The following TCF12 variants were observed in gnomAD, a reference collection of about 807,000 sequenced individuals.
TCF12 encodes DNA-binding protein HTF4.
In TCF12, 45 loss-of-function variants were observed where a neutral mutation model predicts 86.0. That is an observed-to-expected ratio of 0.52 (90% CI 0.41 to 0.67). TCF12 has a LOEUF of 0.67. Among genes scored for constraint, TCF12 ranks in the 30% least tolerant of loss-of-function variants. The probability of loss-of-function intolerance (pLI) is 0.00; values close to 1 mark genes in which losing one functional copy is unlikely to be tolerated. For missense variants in TCF12, 881 were observed against 859.9 expected (o/e 1.02, Z -0.31); for synonymous variants, 330 against 299.6 (o/e 1.10, Z -1.05).
At chr15:57,180,487 T>G (rs1377613028) in intron 6 of TCF12, among the ~76,000 whole-genome samples, 4 of 152,194 alleles carry the variant, frequency 2.6e-5, no homozygotes, top group Admixed American at 1.3e-4. Context: ...CATAACAGTT[T>G]ATGTATTCTG....
chr15:57,171,939 CTAAG>C (rs1297148962), intron 6 of TCF12, among the ~76,000 whole-genome samples: 2 of 152,102 alleles, frequency 1.3e-5, no homozygotes, highest in African/African-American at 4.8e-5. Context: ...AAGTTTTTCT[CTAAG>C]TGTTTAAATG....
intron 5 of TCF12, among the ~76,000 whole-genome samples, chr15:57,133,624 GTTTT>G (rs61579168): frequency 1.4e-5 from 2 of 144,616 alleles, no homozygotes; most frequent in African/African-American, 5.0e-5. Flanking sequence ...GCAGTAATGT[GTTTT>G]TTTTTTTTTT....
At chr15:57,084,232 T>A (rs1172292233) in intron 4 of TCF12, among the ~76,000 whole-genome samples, 9 of 152,206 alleles carry the variant, frequency 5.9e-5, no homozygotes, top group Non-Finnish European at 1.3e-4. Context: ...AAGCTTTAAA[T>A]TATGTAAAAT....
chr15:57,067,974 A>G (rs2069046640), intron 4 of TCF12, among the ~76,000 whole-genome samples: 1 of 152,218 alleles, frequency 6.6e-6, no homozygotes, highest in Non-Finnish European at 1.5e-5. Context: ...TGTACCAGGC[A>G]TAAAGGCCAG....
chr15:57,154,419 C>G (rs1596875339), intron 5 of TCF12, among the ~76,000 whole-genome samples: 1 of 152,172 alleles, frequency 6.6e-6, no homozygotes, highest in South Asian at 2.1e-4. Context: ...CCAAGGTGCT[C>G]CCCTAAAACC....
chr15:57,229,562 T>C (rs563631500), intron 8 of TCF12, among the ~76,000 whole-genome samples: 1 of 151,806 alleles, frequency 6.6e-6, no homozygotes, highest in African/African-American at 2.4e-5. Flanking sequence ...AGAGTAAAAA[T>C]TGACTTTTTA....
intron 7 of TCF12, among the ~76,000 whole-genome samples, chr15:57,196,660 T>C (rs1224737790): frequency 1.3e-5 from 2 of 152,308 alleles, no homozygotes; most frequent in Non-Finnish European, 2.9e-5. Flanking sequence ...ATAAGTAAAA[T>C]TAACTCATCA....
chr15:57,080,917 C>A (rs1393780392), intron 4 of TCF12, among the ~76,000 whole-genome samples: 2 of 152,156 alleles, frequency 1.3e-5, no homozygotes, highest in Admixed American at 1.3e-4. Flanking sequence ...ATTATGTTAG[C>A]ATCCCAGAAG....
intron 3 of TCF12, among the ~76,000 whole-genome samples, chr15:56,997,351 G>T (rs1238817948): frequency 6.6e-6 from 1 of 152,170 alleles, no homozygotes; most frequent in Non-Finnish European, 1.5e-5. Context: ...GAATCATCCT[G>T]TGGGAACTGA....
rs113742852 is a variant in TCF12 at position 57,266,422 on chromosome 15, C to G, written c.1745+3148C>G. Among the ~76,000 whole-genome samples, 183 of 152,206 alleles carry G rather than the reference C, an allele frequency of 1.2e-3. 4 individuals carry two copies. The highest frequency in any genetic ancestry group is 4.3e-3 in the African/African-American group (179 of 41,536). The stretch of plus-strand genomic sequence containing the variant: ...TATTAGAACATCACCATGCCACATT[C>G]ATTTATCCATTGTCTGTGGTTGTTT... On this transcript the variant is annotated intron_variant, in intron 18 of 20. Coordinates refer to ENST00000333725, the MANE Select transcript of TCF12 (RefSeq NM_207037.2).
At chr15:57,285,924 T>A (rs1324258865) in intron 20 of TCF12, among the ~76,000 whole-genome samples, 1 of 152,152 alleles carries the variant, frequency 6.6e-6, no homozygotes, top group Non-Finnish European at 1.5e-5. Context: ...CAAGACACTG[T>A]CTGAAAAGAA....
At chr15:57,177,524 G>T (rs1343785220) in intron 6 of TCF12, among the ~76,000 whole-genome samples, 1 of 151,186 alleles carries the variant, frequency 6.6e-6, no homozygotes, top group African/African-American at 2.4e-5. Context: ...ACCTGACTCA[G>T]CCTCTCAAAG....
intron 3 of TCF12, among the ~76,000 whole-genome samples, chr15:57,007,488 C>T (rs1332628304): frequency 1.4e-4 from 21 of 152,242 alleles, no homozygotes; most frequent in African/African-American, 4.3e-4. Flanking sequence ...ATGTTCTTCA[C>T]GTTGTTATAA....
chr15:57,091,092 TTTCA>T (rs2048965728), intron 4 of TCF12, among the ~76,000 whole-genome samples: 1 of 152,224 alleles, frequency 6.6e-6, no homozygotes, highest in African/African-American at 2.4e-5. Context: ...GTGTTTGTAA[TTTCA>T]TTCTTAAGAA....
At chr15:57,225,220 C>CTTTT (rs139530756) in intron 8 of TCF12, among the ~76,000 whole-genome samples, 686 of 39,774 alleles carry the variant, frequency 0.017, 161 homozygotes, top group African/African-American at 0.031. Flanking sequence ...CTGATATATG[C>CTTTT]TTTTTTTTTT....
At position 57,259,274 on chromosome 15, in the gene TCF12, T is replaced by C. The variant is rs75668720; in HGVS notation, c.1468-2820T>C. ...TACCAAGTTTCTAGTAAAACCTCTCTTCAGATAAATCAAAATCTTGGAGTA... is the reference window on the plus strand; with the variant it reads ...TACCAAGTTTCTAGTAAAACCTCTCCTCAGATAAATCAAAATCTTGGAGTA... On this transcript the variant is annotated intron_variant, in intron 16 of 20. Transcript: ENST00000333725. Among the ~76,000 whole-genome samples the C allele has an allele frequency of 2.6e-3, 400 of 152,316 alleles. 6 individuals carry two copies. Among genetic ancestry groups the C allele is most frequent in the Admixed American group, 0.023 (347 of 15,304 alleles).
chr15:57,276,580 G>A (rs1018690373), intron 19 of TCF12, among the ~76,000 whole-genome samples: 15 of 152,028 alleles, frequency 9.9e-5, no homozygotes, highest in African/African-American at 3.1e-4. Flanking sequence ...TAAATGCCCC[G>A]AAGTTAAAAT....
chr15:57,163,281 CCTTAGAAATAGA>C (rs1396316629), intron 5 of TCF12, among the ~76,000 whole-genome samples: 1 of 152,064 alleles, frequency 6.6e-6, no homozygotes, highest in African/African-American at 2.4e-5. Context: ...TTTTTAAAAA[CCTTAGAAATAGA>C]CTAGTATCAT....
chr15:57,136,603 G>A (rs201198691), intron 5 of TCF12, among the ~76,000 whole-genome samples: 92 of 103,316 alleles, frequency 8.9e-4, no homozygotes, highest in African/African-American at 2.4e-3. Context: ...TACCCTCAAA[G>A]AAACAATAAA....
Sources: allele counts gnomAD v4.1 joint callset (sites outside exome capture counted in the v4.1 genomes callset), GRCh38; gene constraint gnomAD v4.1.1; transcripts MANE v1.5; gene names NCBI Gene and HGNC (gene_info 2026-07-23, HGNC 2026-07-21).